Variants in TPM3 observed in about 807,000 individuals in gnomAD.
TPM3 encodes the protein tropomyosin alpha-3 chain.
Under a neutral mutation model 43.1 loss-of-function variants are expected in TPM3, and 16 were observed. That is an observed-to-expected ratio of 0.37 (90% CI 0.25 to 0.56). The LOEUF (loss-of-function observed/expected upper bound fraction) is 0.56, where lower values mean the gene tolerates loss of function less well. TPM3 is among the 20% of genes least tolerant of loss of function. The pLI is 0.77. For synonymous variants in TPM3, 101 were observed against 116.9 expected (o/e 0.86, Z 0.88); for missense variants, 176 against 337.2 (o/e 0.52, Z 3.74).
At chr1:154,178,189 T>C in intron 2 of TPM3, 1 of 985,416 alleles carries the variant, frequency 1.0e-6, no homozygotes. Context: ...TCACCAGTAG[T>C]TACCCAAACT....
At chr1:154,180,158 A>T (rs1279244802) in intron 2 of TPM3, among the ~76,000 whole-genome samples, 1 of 152,226 alleles carries the variant, frequency 6.6e-6, no homozygotes, top group Non-Finnish European at 1.5e-5. Context: ...TTCCAGGCCG[A>T]GAGCAGAAAA....
chr1:154,170,272 G>A, intron 8 of TPM3, 128 bp downstream of exon 8: 1 of 1,004,352 alleles, frequency 1.0e-6, no homozygotes, highest in South Asian at 1.3e-5. Context: ...GCATAGGACA[G>A]TGCACATGAT....
rs1661092433 is a variant in TPM3, at chr1:154,167,336, A to C, written c.*601T>G. ...TGTATTGGGTTCACTGGGTGTTCTG[A>C]GGATGCACCATTTGAACCACCGGTA... On this transcript the variant is annotated 3_prime_UTR_variant, in exon 10 of 10. Coordinates refer to ENST00000651641, the MANE Select transcript of TPM3 (RefSeq NM_152263.4). 7.6e-6 allele frequency: 8 copies of C among 1,057,152 alleles called. No individual in the cohort carries two copies. In the South Asian group the frequency reaches 3.2e-4, roughly 42 times the overall value. The allele number at this position is 1,057,152 out of a possible 1,614,324, so 65.5% of individuals were successfully genotyped here.
rs1389219269 is a variant in TPM3, at chr1:154,174,368, G to GTGTATATATATATATA, written c.378-1168_378-1167insTATATATATATATACA. Among the ~76,000 whole-genome samples, 17 of 46,380 alleles carry GTGTATATATATATATA rather than the reference G, an allele frequency of 3.7e-4. 2 individuals are homozygous for GTGTATATATATATATA. The highest frequency in any genetic ancestry group is 1.9e-3 in the South Asian group (2 of 1,058). The allele number at this position is 46,380 out of a possible 152,430, so 30.4% of individuals were successfully genotyped here. A position where few individuals can be genotyped will look rare whatever the true frequency, so the allele number is the denominator to read the frequency against. On this transcript the variant is annotated intron_variant, in intron 3 of 9. Coordinates refer to ENST00000651641, the MANE Select transcript of TPM3 (RefSeq NM_152263.4). The stretch of plus-strand genomic sequence containing the variant: ...AAATAAATATTATTTAAATATATGT[G>GTGTATATATATATATA]TATATATATATATATATATATATAT...
intron 2 of TPM3, among the ~76,000 whole-genome samples, chr1:154,185,570 T>A (rs1663379658): frequency 6.7e-6 from 1 of 148,812 alleles, no homozygotes; most frequent in South Asian, 2.1e-4. Flanking sequence ...ACTAGCCAGG[T>A]GCAGTAGCAG....
chr1:154,189,894 ACT>A (rs939729383), intron 2 of TPM3, among the ~76,000 whole-genome samples: 1 of 151,850 alleles, frequency 6.6e-6, no homozygotes, highest in African/African-American at 2.4e-5. Context: ...TGAATGGTTC[ACT>A]CTGTCTGTCC....
intron 2 of TPM3, among the ~76,000 whole-genome samples, chr1:154,180,371 A>C (rs1662810906): frequency 6.6e-6 from 1 of 152,214 alleles, no homozygotes; most frequent in Non-Finnish European, 1.5e-5. Context: ...GAATGCCTTA[A>C]GAGGATAACA....
chr1:154,158,905 T>TG, downstream of TPM3: 1 of 775,436 alleles, frequency 1.3e-6, no homozygotes, highest in South Asian at 1.3e-5. Flanking sequence ...AGCTTTTTGT[T>TG]GGGGTCCAGG....
At position 154,170,418 on chromosome 1, in the gene TPM3, T is replaced by C. The variant is rs1196231253; in HGVS notation, c.757A>G (p.Thr253Ala). Reference sequence around the variant, plus strand: ...TCCATACCTTCCAGGTCATCAATTGTCTTTTCCAGCTTGGCTACCGATCTC... The same window carrying C: ...TCCATACCTTCCAGGTCATCAATTGCCTTTTCCAGCTTGGCTACCGATCTC... The part of the protein sequence containing the change: ...AERSVAKLEK[T>A]IDDLEDELYA... The change falls in exon 8 of 10, where the codon ACA becomes GCA. Residue 253 changes from threonine (T) to alanine (A), a missense_variant. By Grantham distance (58) the Thr-to-Ala change is moderately conservative (BLOSUM62 0). Transcript: ENST00000651641. The C allele has an allele frequency of 6.2e-7, 1 of 1,614,204 alleles. No individual in the cohort carries two copies. Among genetic ancestry groups the C allele is most frequent in the Non-Finnish European group, 8.5e-7 (1 of 1,180,044 alleles).
At position 154,168,928 on chromosome 1, in the gene TPM3, A is replaced by T. The variant is rs902441967; in HGVS notation, c.854+377T>A. ...TGGCTCACTGTAACCTCTGCCTCCC[A>T]GATTCAAGCGATTCTCCTGGCTCAG... On this transcript the variant is annotated intron_variant, in intron 9 of 9. Coordinates refer to ENST00000651641, the MANE Select transcript of TPM3 (RefSeq NM_152263.4). Among the ~76,000 whole-genome samples, 7 of 150,550 alleles carry T rather than the reference A, an allele frequency of 4.6e-5. No homozygotes were observed. The Admixed American group carries it at 4.7e-4, about 10-fold the overall frequency.
intron 3 of TPM3, among the ~76,000 whole-genome samples, chr1:154,175,058 G>C (rs1453179906): frequency 6.6e-6 from 1 of 151,698 alleles, no homozygotes; most frequent in Non-Finnish European, 1.5e-5. Context: ...AAGGCCGGGC[G>C]CAGTGGCTCA....
chr1:154,190,533 G>A (rs1026682200), intron 2 of TPM3, among the ~76,000 whole-genome samples: 5 of 152,116 alleles, frequency 3.3e-5, no homozygotes, highest in Admixed American at 6.6e-5. Flanking sequence ...AATTACTCAC[G>A]GTCATAGAGT....
intron 8 of TPM3, chr1:154,170,107 GT>G (rs1661406736): frequency 2.3e-6 from 1 of 427,098 alleles, no homozygotes; most frequent in African/African-American, 2.0e-5. Flanking sequence ...CAGACTAAAG[GT>G]TTAAGACTAA....
downstream of TPM3, chr1:154,158,640 A>C: frequency 2.5e-6 from 1 of 398,946 alleles, no homozygotes; most frequent in Non-Finnish European, 4.7e-6. Context: ...TGTTAAAAAC[A>C]TCCATGCAAG....
At chr1:154,189,529 C>A (rs1041139058) in intron 2 of TPM3, among the ~76,000 whole-genome samples, 1 of 151,934 alleles carries the variant, frequency 6.6e-6, no homozygotes, top group African/African-American at 2.4e-5. Flanking sequence ...CGGGGTGGCT[C>A]ACGCCTGTAA....
downstream of TPM3, among the ~76,000 whole-genome samples, chr1:154,161,131 T>TAAAAAAAAAAAAAAAA (rs953940037): frequency 1.2e-5 from 1 of 85,102 alleles, no homozygotes; most frequent in Non-Finnish European, 2.4e-5. Context: ...ATGCAAATAT[T>TAAAAAAAAAAAAAAAA]AAAAAAAAAA....
At chr1:154,183,284 C>G in intron 2 of TPM3, 2 of 1,508,410 alleles carry the variant, frequency 1.3e-6, no homozygotes, top group South Asian at 2.5e-5. Flanking sequence ...GCCAGGCAGG[C>G]GGGAAGGCAG....
chr1:154,176,141 A>G lies in TPM3; in HGVS notation c.351T>C (p.Ala117=). Residue 117 remains alanine (A), a synonymous_variant, in exon 3 of 10, where the codon GCT becomes GCC. Transcript: ENST00000651641. Reference sequence around the variant, plus strand: ...TCTCACTCTCATCAGCAGCTTTTTCAGCTTCTTCCAGCTTTTGCAGGGCAG... The same window carrying G: ...TCTCACTCTCATCAGCAGCTTTTTCGGCTTCTTCCAGCTTTTGCAGGGCAG... ...LATALQKLEE[A]EKAADESERG... 1 of 1,614,074 alleles carries G rather than the reference A, an allele frequency of 6.2e-7. No homozygotes were observed.
chr1:154,191,311 G>C lies in TPM3; in HGVS notation c.118C>G (p.Leu40Val), dbSNP rs1160675914. ...TGCATGGCTGCCAGCTCATCCTCCAGCTATAGGAGCCCAGAGAGTCACACA... is the reference window on the plus strand; with the variant it reads ...TGCATGGCTGCCAGCTCATCCTCCACCTATAGGAGCCCAGAGAGTCACACA... ...QKQAEERSKQLEDELAAMQKK... is the reference protein window; with the variant it reads ...QKQAEERSKQVEDELAAMQKK... Residue 40 changes from leucine (L) to valine (V), a missense_variant and splice_region_variant, in exon 2 of 10, where the codon CTG (leucine) becomes GTG (valine). Transcript: ENST00000651641. 1 of 1,613,900 alleles carries C rather than the reference G, an allele frequency of 6.2e-7. No individual in the cohort carries two copies. The highest frequency in any genetic ancestry group is 8.5e-7 in the Non-Finnish European group (1 of 1,180,010).
Sources: gnomAD v4.1 joint callset for allele counts (sites outside exome capture counted in the v4.1 genomes callset) on GRCh38, gnomAD v4.1.1 for gene constraint, MANE v1.5 for transcripts, NCBI Gene and HGNC (gene_info 2026-07-23, HGNC 2026-07-21) for gene names.